The following BAALC variants were observed in gnomAD, a reference collection of about 807,000 sequenced individuals.
The protein encoded by BAALC is BAALC binder of MAP3K1 and KLF4.
A neutral mutation model predicts 15.5 loss-of-function variants in BAALC; 9 were observed. That is an observed-to-expected ratio of 0.58 (90% CI 0.35 to 1.02). The LOEUF is 1.02. BAALC is among the 50% of genes least tolerant of loss of function. BAALC has a pLI of 0.02. For missense variants in BAALC, 201 were observed against 192.4 expected, an observed-to-expected ratio of 1.04 and a Z score of -0.27; for synonymous variants, 80 against 74.6, an observed-to-expected ratio of 1.07 and a Z score of -0.37.
Position 103,230,267 on chromosome 8 carries a change from G to A in BAALC, c.*2168G>A, listed in dbSNP as rs140822747. On this transcript the variant is annotated 3_prime_UTR_variant, in exon 3 of 3. Coordinates refer to ENST00000309982, the MANE Select transcript of BAALC (RefSeq NM_024812.3). ...TCCTATTAGGATACCACTTTTCATTGCAAAGTTTGTGTCAATAAAGTCATT... is the reference window on the plus strand; with the variant it reads ...TCCTATTAGGATACCACTTTTCATTACAAAGTTTGTGTCAATAAAGTCATT... The A allele has an allele frequency of 6.6e-6, 1 of 152,272 alleles. No homozygotes were observed. Among genetic ancestry groups the A allele is most frequent in the Non-Finnish European group, 1.5e-5 (1 of 68,028 alleles). The allele number at this position is 152,272 out of a possible 1,614,324, so 9.4% of individuals were successfully genotyped here. A position where few individuals can be genotyped will look rare whatever the true frequency, so the allele number is the denominator to read the frequency against.
intron 2 of BAALC, among the ~76,000 whole-genome samples, chr8:103,222,104 T>C (rs34893881): frequency 0.17 from 25,700 of 152,186 alleles, 2,484 homozygotes; most frequent in Middle Eastern, 0.29. Flanking sequence ...ACCTGGGATC[T>C]GCAGAAAGGA....
chr8:103,210,062 G>A (rs1812418643), intron 1 of BAALC, among the ~76,000 whole-genome samples: 1 of 152,168 alleles, frequency 6.6e-6, no homozygotes, highest in Non-Finnish European at 1.5e-5. Flanking sequence ...CCTAGCCCCA[G>A]GCTGTTTGCA....
chr8:103,170,629 G>C (rs1279398978), intron 1 of BAALC, among the ~76,000 whole-genome samples: 3 of 152,180 alleles, frequency 2.0e-5, no homozygotes, highest in Non-Finnish European at 2.9e-5. Context: ...CTGATTCTCA[G>C]TTCCTCCAGA....
At chr8:103,145,076 G>T (rs1015339760) in intron 1 of BAALC, among the ~76,000 whole-genome samples, 20 of 152,302 alleles carry the variant, frequency 1.3e-4, no homozygotes, top group East Asian at 5.8e-4. Context: ...CTGATTAATA[G>T]GGGATATGCT....
chr8:103,153,511 T>C (rs559830175), intron 1 of BAALC, among the ~76,000 whole-genome samples: 8 of 152,366 alleles, frequency 5.3e-5, no homozygotes, highest in Admixed American at 5.2e-4. Flanking sequence ...CCTTAAACTT[T>C]AATCTTTTAG....
chr8:103,206,944 T>C (rs181498669), intron 1 of BAALC, among the ~76,000 whole-genome samples: 9 of 152,288 alleles, frequency 5.9e-5, no homozygotes, highest in Non-Finnish European at 1.5e-5. Flanking sequence ...CCAACAGGTA[T>C]TTTTAGTTGG....
At chr8:103,206,358 G>A (rs1355164319) in intron 1 of BAALC, among the ~76,000 whole-genome samples, 2 of 152,094 alleles carry the variant, frequency 1.3e-5, no homozygotes, top group Non-Finnish European at 2.9e-5. Context: ...AGTCATCAGG[G>A]AGACTTAATT....
At chr8:103,181,463 G>GCA (rs1811728266) in intron 1 of BAALC, among the ~76,000 whole-genome samples, 3 of 130,894 alleles carry the variant, frequency 2.3e-5, no homozygotes, top group East Asian at 2.3e-4. Flanking sequence ...AGTAGAGATG[G>GCA]GGGTTTCACC....
chr8:103,212,233 C>T (rs919741335), intron 1 of BAALC, among the ~76,000 whole-genome samples: 6 of 152,058 alleles, frequency 3.9e-5, no homozygotes, highest in African/African-American at 1.4e-4. Context: ...TTGCTCAAGG[C>T]CAGGAGTTCA....
intron 1 of BAALC, among the ~76,000 whole-genome samples, chr8:103,195,089 C>T (rs1442932780): frequency 1.3e-5 from 2 of 152,124 alleles, no homozygotes; most frequent in Non-Finnish European, 2.9e-5. Context: ...ACAAAGTTGG[C>T]CCTGTAGACC....
chr8:103,224,571 T>G (rs1409624105), intron 2 of BAALC, among the ~76,000 whole-genome samples: 1 of 152,122 alleles, frequency 6.6e-6, no homozygotes, highest in Non-Finnish European at 1.5e-5. Flanking sequence ...AGTTTTGTTG[T>G]GCAGAGGAAG....
Position 103,141,024 on chromosome 8 carries a change from GACA to G in BAALC, c.128_130del (p.Asp43_Ser44delinsGly). On this transcript the variant is annotated inframe_deletion, in exon 1 of 3. Coordinates refer to ENST00000309982, the MANE Select transcript of BAALC (RefSeq NM_024812.3). ...CGCGCCGCCCAGCGCCGCCGCCCCG[GACA>G]GCGGCCCCGAAGCGGGCGGCCTGCA... 6.6e-7 allele frequency: 1 copy of G among 1,516,406 alleles called. No individual in the cohort carries two copies. The highest frequency in any genetic ancestry group is 1.2e-5 in the South Asian group (1 of 81,012). 93.9% of individuals were successfully genotyped at this position (1,516,406 alleles called of 1,614,324 possible).
At chr8:103,159,901 T>G (rs559727009) in intron 1 of BAALC, among the ~76,000 whole-genome samples, 1 of 152,242 alleles carries the variant, frequency 6.6e-6, no homozygotes, top group Admixed American at 6.5e-5. Context: ...TTGTTGCTAC[T>G]GGGTTGGCTG....
At chr8:103,213,245 C>A in intron 2 of BAALC, 160 bp downstream of exon 2, 1 of 766,528 alleles carries the variant, frequency 1.3e-6, no homozygotes, top group African/African-American at 1.7e-5. Context: ...TGCTGCAAAC[C>A]CCACCCCAAA....
At chr8:103,219,991 A>G (rs969570294) in intron 2 of BAALC, among the ~76,000 whole-genome samples, 2 of 152,194 alleles carry the variant, frequency 1.3e-5, no homozygotes, top group Non-Finnish European at 2.9e-5. Context: ...GGTAAGCAAC[A>G]TCATTTCCTA....
chr8:103,205,887 G>A (rs1444274556), intron 1 of BAALC, among the ~76,000 whole-genome samples: 1 of 152,200 alleles, frequency 6.6e-6, no homozygotes, highest in East Asian at 1.9e-4. Context: ...CAGCACGAGA[G>A]GAGTGGTGTG....
intron 1 of BAALC, among the ~76,000 whole-genome samples, chr8:103,205,616 A>G (rs1812310704): frequency 6.6e-6 from 1 of 152,158 alleles, no homozygotes; most frequent in African/African-American, 2.4e-5. Context: ...CTGCCTTAGA[A>G]TCCCTGGGGG....
At chr8:103,183,562 C>G in intron 1 of BAALC, 1 of 664,514 alleles carries the variant, frequency 1.5e-6, no homozygotes, top group Non-Finnish European at 2.8e-6. Flanking sequence ...GAGAGCCTCT[C>G]AGGCCCAGGT....
intron 1 of BAALC, among the ~76,000 whole-genome samples, chr8:103,203,309 TC>T (rs1267413164): frequency 6.6e-6 from 1 of 152,222 alleles, no homozygotes; most frequent in African/African-American, 2.4e-5. Flanking sequence ...AGTATATGAG[TC>T]CACTAGTCAG....
Sources: gnomAD v4.1 joint callset for allele counts (sites outside exome capture counted in the v4.1 genomes callset) on GRCh38, gnomAD v4.1.1 for gene constraint, MANE v1.5 for transcripts, NCBI Gene and HGNC (gene_info 2026-07-23, HGNC 2026-07-21) for gene names.